Variants in SLC16A12 observed in about 807,000 individuals in gnomAD.
The protein encoded by SLC16A12 is solute carrier family 16 member 12.
A neutral mutation model predicts 42.4 loss-of-function variants in SLC16A12; 17 were observed. The observed-to-expected ratio is 0.40, with a 90% confidence interval of 0.27 to 0.60. SLC16A12 has a LOEUF of 0.60. SLC16A12 is among the 20% of genes least tolerant of loss of function. SLC16A12 has a pLI of 0.42. For missense variants in SLC16A12, 544 were observed against 623.0 expected (o/e 0.87, Z 1.35); for synonymous variants, 224 against 229.4 (o/e 0.98, Z 0.21).
chr10:89,496,608 A>G (rs2133814947), intron 2 of SLC16A12, among the ~76,000 whole-genome samples: 1 of 152,284 alleles, frequency 6.6e-6, no homozygotes. Flanking sequence ...TCAATCTTGC[A>G]CCATTCACAA....
chr10:89,473,043 T>C (rs984921982), intron 2 of SLC16A12, among the ~76,000 whole-genome samples: 2 of 152,004 alleles, frequency 1.3e-5, no homozygotes, highest in Non-Finnish European at 1.5e-5. Context: ...GGTCTCAAAC[T>C]TTTGGGCTCA....
At chr10:89,464,835 A>G (rs1045925190) in intron 2 of SLC16A12, among the ~76,000 whole-genome samples, 6 of 152,180 alleles carry the variant, frequency 3.9e-5, no homozygotes, top group Non-Finnish European at 7.4e-5. Context: ...CCCCTTTTGA[A>G]GCCTCAGGTC....
intron 2 of SLC16A12, among the ~76,000 whole-genome samples, chr10:89,523,782 T>C (rs1843401685): frequency 6.6e-6 from 1 of 152,206 alleles, no homozygotes; most frequent in East Asian, 1.9e-4. Context: ...GGCATATAAA[T>C]GACCCCATCC....
At chr10:89,511,565 C>T (rs1468940255) in intron 2 of SLC16A12, among the ~76,000 whole-genome samples, 6 of 152,042 alleles carry the variant, frequency 3.9e-5, no homozygotes, top group Non-Finnish European at 8.8e-5. Flanking sequence ...GAACATCACA[C>T]ACCAGGGCCT....
chr10:89,510,398 T>C (rs1465303723), intron 2 of SLC16A12, among the ~76,000 whole-genome samples: 6 of 151,948 alleles, frequency 3.9e-5, no homozygotes, highest in Non-Finnish European at 8.8e-5. Context: ...TACAGACAAA[T>C]GGAACGGAAC....
intron 2 of SLC16A12, among the ~76,000 whole-genome samples, chr10:89,547,632 A>G (rs911898846): frequency 6.6e-6 from 1 of 152,214 alleles, no homozygotes; most frequent in Non-Finnish European, 1.5e-5. Context: ...GTATGTGATC[A>G]TTTTGTTTCA....
At chr10:89,457,196 C>A (rs1029004988) in intron 3 of SLC16A12, among the ~76,000 whole-genome samples, 3 of 152,032 alleles carry the variant, frequency 2.0e-5, no homozygotes, top group African/African-American at 4.8e-5. Context: ...AGACAACCTA[C>A]AGAATGGGAA....
At chr10:89,440,956 G>T in intron 5 of SLC16A12, 152 bp downstream of exon 5, 1 of 916,396 alleles carries the variant, frequency 1.1e-6, no homozygotes, top group Non-Finnish European at 1.7e-6. Flanking sequence ...CTCATTTCCA[G>T]CTCTGTTTAA....
chr10:89,475,372 T>C (rs1842562328), intron 2 of SLC16A12, among the ~76,000 whole-genome samples: 1 of 152,132 alleles, frequency 6.6e-6, no homozygotes, highest in South Asian at 2.1e-4. Flanking sequence ...AAGAAACCCC[T>C]CTCTCTCTGC....
intron 2 of SLC16A12, among the ~76,000 whole-genome samples, chr10:89,483,754 C>CAAA (rs796203412): frequency 9.8e-6 from 1 of 102,396 alleles, no homozygotes; most frequent in African/African-American, 3.3e-5. Flanking sequence ...AAAAAAAAAA[C>CAAA]AAAAAAAAAA....
At chr10:89,533,885 T>A (rs1843600659) in intron 2 of SLC16A12, among the ~76,000 whole-genome samples, 1 of 151,570 alleles carries the variant, frequency 6.6e-6, no homozygotes, top group Admixed American at 6.6e-5. Context: ...GATTAGGTGA[T>A]GCTAGTCATA....
At chr10:89,454,614 C>A (rs1455735303) in intron 3 of SLC16A12, among the ~76,000 whole-genome samples, 14 of 151,786 alleles carry the variant, frequency 9.2e-5, no homozygotes, top group Non-Finnish European at 1.5e-4. Context: ...TAACACATCA[C>A]CCATGATTTT....
chr10:89,502,971 C>A (rs535306970), intron 2 of SLC16A12, among the ~76,000 whole-genome samples: 3 of 152,274 alleles, frequency 2.0e-5, no homozygotes, highest in Admixed American at 1.3e-4. Flanking sequence ...ATCAAAACTG[C>A]AATCTATGAT....
At chr10:89,546,427 GA>G (rs1326901603) in intron 2 of SLC16A12, among the ~76,000 whole-genome samples, 1 of 152,148 alleles carries the variant, frequency 6.6e-6, no homozygotes, top group African/African-American at 2.4e-5. Context: ...ATAAACATAT[GA>G]AAAAAGCTCA....
chr10:89,459,516 ATGTGTG>A (rs58259835), intron 3 of SLC16A12, among the ~76,000 whole-genome samples: 4 of 149,636 alleles, frequency 2.7e-5, no homozygotes, highest in Admixed American at 6.7e-5. Context: ...TTCTGTGTTT[ATGTGTG>A]TGTGTGTGTG....
chr10:89,466,240 T>TAATGGCAAATAA (rs1842396340), intron 2 of SLC16A12, among the ~76,000 whole-genome samples: 1 of 152,242 alleles, frequency 6.6e-6, no homozygotes, highest in Non-Finnish European at 1.5e-5. Context: ...TGCCATGTGA[T>TAATGGCAAATAA]TTAACCTCTT....
At chr10:89,545,286 G>A (rs1237973434) in intron 2 of SLC16A12, among the ~76,000 whole-genome samples, 8 of 152,176 alleles carry the variant, frequency 5.3e-5, no homozygotes, top group Admixed American at 3.3e-4. Flanking sequence ...TATGATGATT[G>A]TCATGCAGCA....
chr10:89,468,602 T>TC (rs1418823430), intron 2 of SLC16A12, among the ~76,000 whole-genome samples: 1 of 152,236 alleles, frequency 6.6e-6, no homozygotes, highest in African/African-American at 2.4e-5. Flanking sequence ...GACAAGGTTA[T>TC]CACAAGGTTA....
intron 2 of SLC16A12, among the ~76,000 whole-genome samples, chr10:89,514,247 G>A (rs1161999809): frequency 3.9e-5 from 6 of 152,192 alleles, no homozygotes; most frequent in African/African-American, 1.4e-4. Context: ...GAAAAGAGGC[G>A]GTTGCAAGGA....
Sources: allele counts gnomAD v4.1 joint callset (sites outside exome capture counted in the v4.1 genomes callset), GRCh38; gene constraint gnomAD v4.1.1; transcripts MANE v1.5; gene names NCBI Gene and HGNC (gene_info 2026-07-23, HGNC 2026-07-21).